Variants in ASIC2 observed in about 807,000 individuals in gnomAD.
ASIC2 encodes acid sensing ion channel subunit 2.
A neutral mutation model predicts 57.3 loss-of-function variants in ASIC2; 25 were observed. The ratio of observed to expected loss-of-function variants is 0.44; its 90% confidence interval spans 0.32 to 0.61. The LOEUF (loss-of-function observed/expected upper bound fraction) is 0.61, where lower values mean the gene tolerates loss of function less well. Ranked by LOEUF, ASIC2 falls within the 20% of genes least tolerant of loss-of-function variation. The probability of loss-of-function intolerance (pLI) is 0.06; values close to 1 mark genes in which losing one functional copy is unlikely to be tolerated. For synonymous variants in ASIC2, 319 were observed against 307.5 expected (o/e 1.04, Z -0.39); for missense variants, 641 against 738.1 (o/e 0.87, Z 1.52).
At chr17:33,730,051 G>T (rs1212335084) in intron 1 of ASIC2, among the ~76,000 whole-genome samples, 2 of 152,086 alleles carry the variant, frequency 1.3e-5, no homozygotes, top group African/African-American at 2.4e-5. Flanking sequence ...AGGGACATTC[G>T]GTGCTTTCGG....
chr17:33,725,679 C>T (rs1304394487), intron 1 of ASIC2, among the ~76,000 whole-genome samples: 4 of 152,028 alleles, frequency 2.6e-5, no homozygotes. Flanking sequence ...TCCCAAGTTT[C>T]CTCAGCATAT....
At chr17:33,019,389 G>A (rs2091824634) in intron 7 of ASIC2, among the ~76,000 whole-genome samples, 1 of 151,884 alleles carries the variant, frequency 6.6e-6, no homozygotes, top group Non-Finnish European at 1.5e-5. Flanking sequence ...GTGTGTGGGG[G>A]CTGTGTGCAT....
intron 1 of ASIC2, among the ~76,000 whole-genome samples, chr17:34,075,002 C>G (rs1261509054): frequency 6.6e-6 from 1 of 152,078 alleles, no homozygotes; most frequent in Non-Finnish European, 1.5e-5. Context: ...CCAAGCTGGT[C>G]TTGAACTCCT....
intron 1 of ASIC2, among the ~76,000 whole-genome samples, chr17:33,155,636 T>G (rs1273600066): frequency 6.7e-6 from 1 of 148,934 alleles, no homozygotes; most frequent in Admixed American, 6.8e-5. Context: ...CTCGGATCAC[T>G]GCAACCTCAG....
chr17:33,709,350 C>A (rs1045810178), intron 1 of ASIC2, among the ~76,000 whole-genome samples: 2 of 152,202 alleles, frequency 1.3e-5, no homozygotes, highest in African/African-American at 4.8e-5. Context: ...GCAGAAGGAA[C>A]TTTTCAGATG....
chr17:33,113,694 G>A (rs1359616204), intron 1 of ASIC2, among the ~76,000 whole-genome samples: 1 of 152,228 alleles, frequency 6.6e-6, no homozygotes, highest in Non-Finnish European at 1.5e-5. Flanking sequence ...CAGGAACTGT[G>A]CTAGATGCTT....
chr17:33,302,514 A>G (rs750532050), intron 1 of ASIC2, among the ~76,000 whole-genome samples: 4 of 152,068 alleles, frequency 2.6e-5, no homozygotes, highest in Non-Finnish European at 4.4e-5. Context: ...AGTGGCTTAG[A>G]GATTTAAGGC....
intron 1 of ASIC2, among the ~76,000 whole-genome samples, chr17:33,568,788 T>G (rs566530107): frequency 2.6e-5 from 4 of 152,182 alleles, no homozygotes; most frequent in African/African-American, 9.7e-5. Flanking sequence ...TTCCTTTACA[T>G]ATAGTTAGCA....
chr17:33,644,499 C>T (rs1026895211), intron 1 of ASIC2, among the ~76,000 whole-genome samples: 46 of 152,168 alleles, frequency 3.0e-4, no homozygotes, highest in African/African-American at 1.1e-3. Flanking sequence ...GGGTATTTGC[C>T]ATGATTCAGC....
rs570774851 is a variant in ASIC2, at chr17:33,482,074, G to A, written c.556-370007C>T. Among the ~76,000 whole-genome samples the A allele has an allele frequency of 4.0e-4, 61 of 152,254 alleles. No homozygotes were observed. The South Asian group carries it at 1.0e-2, about 25-fold the overall frequency. On this transcript the variant is annotated intron_variant, in intron 1 of 9. Transcript: ENST00000359872. ...CTGCTCTGGTCTCTCCTCTCATGTG[G>A]TTTCCTCCTCCAGTCCTCTCTTTGC...
At position 33,586,301 on chromosome 17, in the gene ASIC2, G is replaced by C. The variant is rs117359901; in HGVS notation, c.556-474234C>G. ...TTCTCAGTCTGAGTTTACCATCTAG[G>C]GGGGCAGGGGGACCTATTGTAACCT... On this transcript the variant is annotated intron_variant, in intron 1 of 9. Coordinates refer to the ASIC2 transcript ENST00000359872. Among the ~76,000 whole-genome samples, 516 of 152,174 alleles carry C rather than the reference G, an allele frequency of 3.4e-3. 1 individual carries two copies. Among genetic ancestry groups the C allele is most frequent in the Non-Finnish European group, 6.3e-3 (431 of 68,006 alleles).
At chr17:33,067,890 C>G (rs1275116254) in intron 3 of ASIC2, among the ~76,000 whole-genome samples, 1 of 152,170 alleles carries the variant, frequency 6.6e-6, no homozygotes, top group African/African-American at 2.4e-5. Flanking sequence ...CATCATCAAC[C>G]TTTTCTGAGT....
chr17:33,465,233 C>T (rs1179644397), intron 1 of ASIC2, among the ~76,000 whole-genome samples: 1 of 152,178 alleles, frequency 6.6e-6, no homozygotes, highest in African/African-American at 2.4e-5. Context: ...GTTTCTAATG[C>T]TTTCCTCCAA....
At chr17:33,978,998 C>T (rs1360609165) in intron 1 of ASIC2, among the ~76,000 whole-genome samples, 1 of 152,134 alleles carries the variant, frequency 6.6e-6, no homozygotes, top group Non-Finnish European at 1.5e-5. Flanking sequence ...GTGACAGATC[C>T]AACCAGAGTC....
At chr17:33,920,071 G>A (rs1423297524) in intron 1 of ASIC2, among the ~76,000 whole-genome samples, 4 of 152,202 alleles carry the variant, frequency 2.6e-5, no homozygotes, top group African/African-American at 9.7e-5. Flanking sequence ...CACTGCTGGT[G>A]GGAATATAAA....
intron 1 of ASIC2, among the ~76,000 whole-genome samples, chr17:33,738,790 C>T (rs193227330): frequency 1.2e-4 from 19 of 152,316 alleles, no homozygotes; most frequent in Non-Finnish European, 2.1e-4. Context: ...TGGGCTCTCC[C>T]GCTAGAACAA....
chr17:33,043,760 G>A (rs1317501422), intron 3 of ASIC2, among the ~76,000 whole-genome samples: 1 of 152,170 alleles, frequency 6.6e-6, no homozygotes, highest in Non-Finnish European at 1.5e-5. Flanking sequence ...TGCTTGTGAA[G>A]GAGTGTCCCT....
chr17:33,770,051 G>A (rs1378380065), intron 1 of ASIC2, among the ~76,000 whole-genome samples: 1 of 152,208 alleles, frequency 6.6e-6, no homozygotes, highest in Non-Finnish European at 1.5e-5. Context: ...AAGACAGGAG[G>A]CCCTAGGTAG....
chr17:33,191,242 T>C (rs1360307261), intron 1 of ASIC2, among the ~76,000 whole-genome samples: 2 of 152,206 alleles, frequency 1.3e-5, no homozygotes, highest in Admixed American at 1.3e-4. Flanking sequence ...GACAACATTG[T>C]ATAATTCCAT....
Sources: gnomAD v4.1 joint callset for allele counts (sites outside exome capture counted in the v4.1 genomes callset) on GRCh38, gnomAD v4.1.1 for gene constraint, MANE v1.5 for transcripts, NCBI Gene and HGNC (gene_info 2026-07-23, HGNC 2026-07-21) for gene names.